The following NCK2 variants were observed in gnomAD, a reference collection of about 807,000 sequenced individuals.
NCK2 encodes the protein cytoplasmic protein NCK2.
A neutral mutation model predicts 33.9 loss-of-function variants in NCK2; 16 were observed. The observed-to-expected ratio is 0.47, with a 90% CI of 0.32 to 0.72. NCK2 has a LOEUF of 0.72. Ranked by LOEUF, NCK2 falls within the 30% of genes least tolerant of loss-of-function variation. The pLI is 0.03. For synonymous variants in NCK2, 273 were observed against 239.9 expected (o/e 1.14, Z -1.27); for missense variants, 418 against 537.3 (o/e 0.78, Z 2.19).
intron 4 of NCK2, among the ~76,000 whole-genome samples, chr2:105,891,134 A>C (rs1474948757): frequency 6.6e-6 from 1 of 152,178 alleles, no homozygotes; most frequent in Non-Finnish European, 1.5e-5. Flanking sequence ...ATTCACACAG[A>C]TGAACTCACA....
intron 3 of NCK2, among the ~76,000 whole-genome samples, chr2:105,858,060 T>TG (rs1014170388): frequency 1.0e-5 from 1 of 97,602 alleles, no homozygotes; most frequent in Non-Finnish European, 2.8e-5. Context: ...TTTTTTTTGT[T>TG]TTTTTTTTTG....
intron 2 of NCK2, among the ~76,000 whole-genome samples, chr2:105,838,687 A>T (rs1056600391): frequency 2.0e-5 from 3 of 152,166 alleles, no homozygotes; most frequent in Non-Finnish European, 4.4e-5. Flanking sequence ...TGTAGGATGG[A>T]ATAGTTTGTA....
intron 3 of NCK2, among the ~76,000 whole-genome samples, chr2:105,860,859 T>G: frequency 6.8e-6 from 1 of 147,556 alleles, no homozygotes; most frequent in African/African-American, 2.5e-5. Context: ...GACTGCAACT[T>G]GTGGGGCACA....
intron 1 of NCK2, among the ~76,000 whole-genome samples, chr2:105,758,413 G>GTTTT (rs574939583): frequency 6.8e-5 from 9 of 132,526 alleles, no homozygotes; most frequent in East Asian, 2.2e-4. Flanking sequence ...TGTTGTTTTT[G>GTTTT]TTTTTTTTTT....
chr2:105,873,983 G>C (rs1248851549), intron 3 of NCK2, among the ~76,000 whole-genome samples: 2 of 152,206 alleles, frequency 1.3e-5, no homozygotes, highest in East Asian at 3.9e-4. Flanking sequence ...TTCCCCCATG[G>C]CCAGCAAAGG....
At chr2:105,767,035 T>C (rs569404758) in intron 1 of NCK2, among the ~76,000 whole-genome samples, 42 of 152,196 alleles carry the variant, frequency 2.8e-4, no homozygotes, top group African/African-American at 1.0e-3. Flanking sequence ...CCTACTCTTA[T>C]GGTCAGCTAC....
rs185190024 is a variant in NCK2 at position 105,848,065 on chromosome 2, G to A, written c.-16-6983G>A. Among the ~76,000 whole-genome samples the A allele has an allele frequency of 3.2e-4, 48 of 152,272 alleles. No individual in the cohort carries two copies. The East Asian group carries it at 8.5e-3, about 27-fold the overall frequency. ...ATTGCACATACGTTTTTGAGTCCCCGTGAACCTTATGTTCAAGCCATTGAG... is the reference window on the plus strand; with the variant it reads ...ATTGCACATACGTTTTTGAGTCCCCATGAACCTTATGTTCAAGCCATTGAG... On this transcript the variant is annotated intron_variant, in intron 2 of 4. Coordinates refer to ENST00000233154, the MANE Select transcript of NCK2 (RefSeq NM_003581.5).
chr2:105,750,754 G>C (rs191215523), intron 1 of NCK2, among the ~76,000 whole-genome samples: 1 of 152,236 alleles, frequency 6.6e-6, no homozygotes, highest in Non-Finnish European at 1.5e-5. Context: ...ACACTTATTT[G>C]GGGGTTGGTT....
chr2:105,760,921 G>T (rs1018510862), intron 1 of NCK2, among the ~76,000 whole-genome samples: 2 of 152,150 alleles, frequency 1.3e-5, no homozygotes, highest in Admixed American at 6.5e-5. Flanking sequence ...GACACCCCTA[G>T]CTCTTGGGCA....
chr2:105,755,280 A>T (rs925848069), intron 1 of NCK2, among the ~76,000 whole-genome samples: 9 of 152,120 alleles, frequency 5.9e-5, no homozygotes, highest in Admixed American at 3.3e-4. Context: ...CATCTTTTTT[A>T]AAAAAGGAGG....
At chr2:105,844,099 C>T (rs1272209433) in intron 2 of NCK2, among the ~76,000 whole-genome samples, 1 of 152,120 alleles carries the variant, frequency 6.6e-6, no homozygotes, top group Non-Finnish European at 1.5e-5. Context: ...GAAGGTCCCC[C>T]ACTTAGGATT....
At chr2:105,761,209 G>GT (rs1440280065) in intron 1 of NCK2, among the ~76,000 whole-genome samples, 1 of 152,224 alleles carries the variant, frequency 6.6e-6, no homozygotes, top group Non-Finnish European at 1.5e-5. Context: ...GTTTGGGTGT[G>GT]TATGGGAGCG....
chr2:105,873,979 C>T (rs1368737334), intron 3 of NCK2, among the ~76,000 whole-genome samples: 1 of 152,186 alleles, frequency 6.6e-6, no homozygotes, highest in South Asian at 2.1e-4. Flanking sequence ...GGCCTTCCCC[C>T]ATGGCCAGCA....
At chr2:105,871,830 A>G (rs563223743) in intron 3 of NCK2, among the ~76,000 whole-genome samples, 2 of 152,254 alleles carry the variant, frequency 1.3e-5, no homozygotes, top group Non-Finnish European at 1.5e-5. Context: ...TACTAGAGGT[A>G]AAAAGTTTCC....
At chr2:105,892,529 C>T (rs972285065) in intron 4 of NCK2, among the ~76,000 whole-genome samples, 10 of 148,406 alleles carry the variant, frequency 6.7e-5, no homozygotes, top group African/African-American at 2.2e-4. Context: ...CATCAGATGC[C>T]GTTCTAGATA....
intron 1 of NCK2, among the ~76,000 whole-genome samples, chr2:105,771,552 T>A (rs1690137275): frequency 6.6e-6 from 1 of 151,912 alleles, no homozygotes; most frequent in South Asian, 2.1e-4. Context: ...GCGACAAGAG[T>A]GGAACTCCCT....
At chr2:105,806,478 C>T (rs978893062) in intron 1 of NCK2, among the ~76,000 whole-genome samples, 13 of 152,132 alleles carry the variant, frequency 8.5e-5, no homozygotes, top group Admixed American at 2.6e-4. Flanking sequence ...ACCTCGTGAT[C>T]CACCCCGCGT....
intron 1 of NCK2, among the ~76,000 whole-genome samples, chr2:105,754,078 G>A (rs918567993): frequency 2.6e-5 from 4 of 152,190 alleles, no homozygotes; most frequent in African/African-American, 9.7e-5. Flanking sequence ...ACTGAGATAG[G>A]ACGGTGAGTC....
At chr2:105,771,628 T>C (rs1298017612) in intron 1 of NCK2, among the ~76,000 whole-genome samples, 1 of 152,184 alleles carries the variant, frequency 6.6e-6, no homozygotes, top group Non-Finnish European at 1.5e-5. Flanking sequence ...TCTAATCATG[T>C]CACTTAGGTA....
Sources: allele counts gnomAD v4.1 joint callset (sites outside exome capture counted in the v4.1 genomes callset), GRCh38; gene constraint gnomAD v4.1.1; transcripts MANE v1.5; gene names NCBI Gene and HGNC (gene_info 2026-07-23, HGNC 2026-07-21).